The following CNOT4 variants were observed in gnomAD, a reference collection of about 807,000 sequenced individuals.
CNOT4 encodes CCR4-associated factor 4.
In CNOT4, 8 loss-of-function variants were observed where a neutral mutation model predicts 73.8. The ratio of observed to expected loss-of-function variants is 0.11; its 90% CI spans 0.06 to 0.20. The LOEUF (loss-of-function observed/expected upper bound fraction) is 0.20, where lower values mean the gene tolerates loss of function less well. Ranked by LOEUF, CNOT4 falls within the 10% of genes least tolerant of loss-of-function variation. CNOT4 has a pLI of 1.00. For missense variants in CNOT4, 564 were observed against 883.4 expected (o/e 0.64, Z 4.58); for synonymous variants, 293 against 321.1 (o/e 0.91, Z 0.94).
rs527278131 is a variant in CNOT4 at position 135,368,560 on chromosome 7, A to G, written c.1628-4494T>C. 5.9e-5 allele frequency among the ~76,000 whole-genome samples: 9 copies of G among 152,346 alleles called. 1 individual carries two copies. In the South Asian group the frequency reaches 1.9e-3, roughly 32 times the overall value. The stretch of plus-strand genomic sequence containing the variant: ...GTGGTATATGATTAAAATATGCTAC[A>G]TAAGTTCAGTAAAAAGACAGGCCAG... On this transcript the variant is annotated intron_variant, in intron 10 of 11. Transcript: ENST00000541284.
rs748044293 is a variant in CNOT4 at position 135,362,677 on chromosome 7, G to A, written c.*208C>T. ...AAACATTCAACAGTGTCACTCAAAT[G>A]CTGGATCAACAAAAATTTTTACAAT... On this transcript the variant is annotated 3_prime_UTR_variant, in exon 12 of 12. Transcript: ENST00000541284. 5 of 703,804 alleles carry A rather than the reference G, an allele frequency of 7.1e-6. No individual in the cohort carries two copies. The highest frequency in any genetic ancestry group is 1.3e-5 in the Non-Finnish European group (5 of 386,576). 43.6% of individuals were successfully genotyped at this position (703,804 alleles called of 1,614,324 possible).
intron 1 of CNOT4, among the ~76,000 whole-genome samples, chr7:135,450,091 A>T (rs546932390): frequency 3.0e-4 from 46 of 152,300 alleles, no homozygotes; most frequent in African/African-American, 9.9e-4. Context: ...AACACGTGTA[A>T]TCCCAGCTAC....
intron 1 of CNOT4, among the ~76,000 whole-genome samples, chr7:135,487,428 T>G (rs1168674301): frequency 2.6e-5 from 4 of 151,902 alleles, no homozygotes; most frequent in Admixed American, 2.6e-4. Flanking sequence ...TTTGTAGAGA[T>G]GCAGTATCCG....
chr7:135,481,396 C>T (rs1339966815), intron 1 of CNOT4, among the ~76,000 whole-genome samples: 1 of 152,008 alleles, frequency 6.6e-6, no homozygotes, highest in Admixed American at 6.6e-5. Flanking sequence ...ATTATCTTAC[C>T]CCAGTTAGAA....
At chr7:135,483,427 C>T (rs1326252867) in intron 1 of CNOT4, among the ~76,000 whole-genome samples, 3 of 151,950 alleles carry the variant, frequency 2.0e-5, no homozygotes, top group Non-Finnish European at 4.4e-5. Context: ...GCTGGTTCAA[C>T]ATTTGAAAAA....
intron 10 of CNOT4, among the ~76,000 whole-genome samples, chr7:135,376,168 A>T (rs1249464223): frequency 6.6e-6 from 1 of 152,222 alleles, no homozygotes; most frequent in Non-Finnish European, 1.5e-5. Context: ...ATCTGACTAA[A>T]TGCTTCCAAA....
chr7:135,405,659 G>A (rs1029832954), intron 7 of CNOT4, among the ~76,000 whole-genome samples: 1 of 152,064 alleles, frequency 6.6e-6, no homozygotes, highest in Non-Finnish European at 1.5e-5. Flanking sequence ...AATAATGAAG[G>A]GGAGCAGATG....
chr7:135,424,021 A>AAAAC (rs201598462), intron 2 of CNOT4, among the ~76,000 whole-genome samples: 2 of 148,758 alleles, frequency 1.3e-5, no homozygotes, highest in African/African-American at 2.5e-5. Context: ...AAAAGCCACC[A>AAAAC]AAACAAACAA....
At chr7:135,458,321 A>T (rs769550478) in intron 1 of CNOT4, among the ~76,000 whole-genome samples, 12 of 152,164 alleles carry the variant, frequency 7.9e-5, no homozygotes, top group Non-Finnish European at 1.6e-4. Flanking sequence ...TGATAAGATC[A>T]TCTGAGCCTT....
chr7:135,420,264 C>T, intron 3 of CNOT4, among the ~76,000 whole-genome samples: 1 of 151,950 alleles, frequency 6.6e-6, no homozygotes, highest in African/African-American at 2.4e-5. Flanking sequence ...TTTACTGGAA[C>T]TGCACGTCAG....
chr7:135,460,029 T>G (rs1310209215), intron 1 of CNOT4, among the ~76,000 whole-genome samples: 1 of 152,204 alleles, frequency 6.6e-6, no homozygotes, highest in African/African-American at 2.4e-5. Flanking sequence ...AGTTGCAAAG[T>G]TTTCTTCTGT....
intron 1 of CNOT4, among the ~76,000 whole-genome samples, chr7:135,443,215 G>A (rs1799598925): frequency 6.6e-6 from 1 of 151,234 alleles, no homozygotes; most frequent in South Asian, 2.1e-4. Context: ...AATTAGCTGG[G>A]TTGGTGGCAC....
At chr7:135,452,868 T>C (rs1016610315) in intron 1 of CNOT4, among the ~76,000 whole-genome samples, 1 of 152,186 alleles carries the variant, frequency 6.6e-6, no homozygotes, top group Non-Finnish European at 1.5e-5. Context: ...CTAAGCCCGA[T>C]GAAAGTGTTA....
intron 1 of CNOT4, among the ~76,000 whole-genome samples, chr7:135,465,705 G>A (rs544709706): frequency 2.6e-5 from 4 of 151,380 alleles, no homozygotes; most frequent in South Asian, 4.2e-4. Flanking sequence ...AGGTGTGGGC[G>A]AATGTAAGCA....
chr7:135,449,935 C>T (rs1267649079), intron 1 of CNOT4, among the ~76,000 whole-genome samples: 1 of 151,694 alleles, frequency 6.6e-6, no homozygotes, highest in Admixed American at 6.6e-5. Flanking sequence ...TAAAGAGACC[C>T]CTCTTTAAAC....
At chr7:135,501,000 T>C (rs77351584) in intron 1 of CNOT4, among the ~76,000 whole-genome samples, 36 of 151,322 alleles carry the variant, frequency 2.4e-4, no homozygotes, top group African/African-American at 8.5e-4. Context: ...TTTTTTTTTT[T>C]GGAGACAGAG....
At chr7:135,477,845 T>A (rs1563073367) in intron 1 of CNOT4, among the ~76,000 whole-genome samples, 1 of 152,220 alleles carries the variant, frequency 6.6e-6, no homozygotes, top group Non-Finnish European at 1.5e-5. Context: ...TTTACATATT[T>A]ATTTCAAAGA....
intron 1 of CNOT4, among the ~76,000 whole-genome samples, chr7:135,463,536 C>T (rs1379483256): frequency 6.5e-5 from 9 of 138,212 alleles, no homozygotes; most frequent in African/African-American, 2.4e-4. Context: ...AGACTTCATC[C>T]CCCCACCCAA....
At chr7:135,417,825 T>C (rs557443719) in intron 3 of CNOT4, among the ~76,000 whole-genome samples, 100 of 152,172 alleles carry the variant, frequency 6.6e-4, no homozygotes, top group Non-Finnish European at 8.7e-4. Context: ...CACTTGCAGA[T>C]TGAGGTCTTT....
Sources: gnomAD v4.1 joint callset for allele counts (sites outside exome capture counted in the v4.1 genomes callset) on GRCh38, gnomAD v4.1.1 for gene constraint, MANE v1.5 for transcripts, NCBI Gene and HGNC (gene_info 2026-07-23, HGNC 2026-07-21) for gene names.